Variants in GCA observed in about 807,000 individuals in gnomAD.
GCA encodes the protein grancalcin, also known as grancalcin, EF-hand calcium-binding protein.
Under a neutral mutation model 32.6 loss-of-function variants are expected in GCA, and 30 were observed. The ratio of observed to expected loss-of-function variants is 0.92; its 90% CI spans 0.69 to 1.25. The LOEUF (loss-of-function observed/expected upper bound fraction) is 1.25, where lower values mean the gene tolerates loss of function less well. Among genes scored for constraint, GCA ranks in the 50% most tolerant of loss-of-function variants. GCA has a pLI of 0.00. For missense variants in GCA, 291 were observed against 266.8 expected (o/e 1.09, Z -0.63); for synonymous variants, 102 against 84.6 (o/e 1.21, Z -1.13).
At chr2:162,352,612 C>A (rs1685059638) in intron 3 of GCA, among the ~76,000 whole-genome samples, 1 of 152,106 alleles carries the variant, frequency 6.6e-6, no homozygotes, top group Non-Finnish European at 1.5e-5. Context: ...TCATAGAGGA[C>A]ACTTCTTTTG....
intron 4 of GCA, among the ~76,000 whole-genome samples, chr2:162,368,933 G>A (rs1217635620): frequency 6.6e-6 from 1 of 152,078 alleles, no homozygotes; most frequent in African/African-American, 2.4e-5. Context: ...GTCTGTTTCA[G>A]CTCTTTGCCC....
At chr2:162,341,064 C>A (rs1410748599), upstream of GCA, among the ~76,000 whole-genome samples, 56 of 151,898 alleles carry the variant, frequency 3.7e-4, no homozygotes, top group Non-Finnish European at 1.3e-4. Context: ...GTTCTCCCTG[C>A]TAGAATGTAA....
intron 4 of GCA, 40 bp downstream of exon 4, chr2:162,356,521 T>A: frequency 8.0e-7 from 1 of 1,249,796 alleles, no homozygotes; most frequent in Non-Finnish European, 1.2e-6. Flanking sequence ...GAATAAAGAG[T>A]AATTGCTTTC....
chr2:162,373,747 G>T, downstream of GCA: 1 of 870,684 alleles, frequency 1.1e-6, no homozygotes, highest in African/African-American at 1.8e-5. Context: ...GCACTACCAA[G>T]AAACAGAATT....
chr2:162,356,348 T>C, intron 3 of GCA, 90 bp from the exon 4 acceptor site: 1 of 776,596 alleles, frequency 1.3e-6, no homozygotes, highest in Non-Finnish European at 2.3e-6. Flanking sequence ...GGCAGTTTTT[T>C]AATGTTTTAT....
chr2:162,371,497 A>C (rs1206513801), exon 5 of GCA: 1 of 1,242,804 alleles, frequency 8.0e-7, no homozygotes, highest in Non-Finnish European at 1.0e-6. Context: ...TTCATAACGA[A>C]GTACTGGTTT....
intron 1 of GCA, 102 bp downstream of exon 1, chr2:162,344,377 G>C: frequency 8.9e-7 from 1 of 1,123,422 alleles, no homozygotes; most frequent in Non-Finnish European, 1.3e-6. Flanking sequence ...TGCTCCCTGC[G>C]TCCGCGCCTG....
intron 2 of GCA, among the ~76,000 whole-genome samples, chr2:162,348,319 A>AT (rs1273851517): frequency 1.3e-5 from 2 of 152,102 alleles, no homozygotes; most frequent in Admixed American, 1.3e-4. Context: ...CCTCACTCCC[A>AT]TTTTTTAAAA....
chr2:162,371,876 C>A, downstream of GCA: 1 of 1,613,304 alleles, frequency 6.2e-7, no homozygotes, highest in Non-Finnish European at 8.5e-7. Context: ...TGAAGACCCA[C>A]GATTCCTACA....
intron 3 of GCA, among the ~76,000 whole-genome samples, chr2:162,355,676 GAA>G (rs1685227851): frequency 1.3e-5 from 2 of 151,678 alleles, no homozygotes; most frequent in South Asian, 4.2e-4. Flanking sequence ...CTATAAATAT[GAA>G]AGTGTTAATA....
At position 162,362,698 on chromosome 2, in the gene GCA, A is replaced by G; in HGVS notation, c.*2455A>G. On this transcript the variant is annotated 3_prime_UTR_variant, in exon 8 of 8. Transcript: ENST00000437150. ...TATATTATGAGATGCTTCAGTTCAAATAACAGTGCAGTAATTCACCTATAT... is the reference window on the plus strand; with the variant it reads ...TATATTATGAGATGCTTCAGTTCAAGTAACAGTGCAGTAATTCACCTATAT... The G allele has an allele frequency of 2.6e-6, 1 of 390,274 alleles. No individual in the cohort carries two copies. The highest frequency in any genetic ancestry group is 2.2e-5 in the African/African-American group (1 of 45,994). The allele number at this position is 390,274 out of a possible 1,614,324, so 24.2% of individuals were successfully genotyped here.
intron 2 of GCA, among the ~76,000 whole-genome samples, chr2:162,348,605 G>T (rs531698476): frequency 8.1e-4 from 123 of 152,098 alleles, no homozygotes; most frequent in Non-Finnish European, 1.2e-3. Flanking sequence ...TTATTTAAAG[G>T]ACTGACTTTA....
chr2:162,367,747 G>T (rs925778704), downstream of GCA, among the ~76,000 whole-genome samples: 1 of 151,948 alleles, frequency 6.6e-6, no homozygotes, highest in Non-Finnish European at 1.5e-5. Flanking sequence ...TTGTTCTCCT[G>T]ATTGTTTTAA....
downstream of GCA, chr2:162,372,159 C>T (rs1685973497): frequency 2.3e-6 from 3 of 1,308,480 alleles, no homozygotes; most frequent in Admixed American, 4.3e-5. Context: ...TTGAAAATTA[C>T]ACTAATAAAA....
At position 162,360,206 on chromosome 2, in the gene GCA, T is replaced by C. The variant is rs1474289329; in HGVS notation, c.628-11T>C. On this transcript the variant is annotated splice_polypyrimidine_tract_variant and intron_variant, in intron 7 of 7. Transcript: ENST00000437150. ...TATTCTTAATAGATAATAATTTCAC[T>C]TATGTATTAGTTTTTGCAGGGCACT... The C allele has an allele frequency of 1.4e-6, 2 of 1,452,080 alleles. No homozygotes were observed. The highest frequency in any genetic ancestry group is 2.3e-5 in the East Asian group (1 of 43,084). The allele number at this position is 1,452,080 out of a possible 1,614,324, so 89.9% of individuals were successfully genotyped here.
In GCA at chr2:162,360,272, A is replaced by G. The variant is rs559531022; in HGVS notation, c.*29A>G. On this transcript the variant is annotated 3_prime_UTR_variant, in exon 8 of 8. Coordinates refer to ENST00000437150, the MANE Select transcript of GCA (RefSeq NM_012198.5). ...CTTAGAATTTTAAACCTGAAGAGAC[A>G]CTGTGAATTCTTTTGTTTGGAAGAA... 2 of 1,580,458 alleles carry G rather than the reference A, an allele frequency of 1.3e-6. No individual in the cohort carries two copies. Among genetic ancestry groups the G allele is most frequent in the African/African-American group, 2.7e-5 (2 of 73,202 alleles).
At chr2:162,372,108 GAACAA>G (rs746537313), downstream of GCA, 9 of 1,592,624 alleles carry the variant, frequency 5.7e-6, no homozygotes, top group Admixed American at 1.4e-4. Context: ...GATGGAAAAA[GAACAA>G]AACAAGTTTT....
rs1685636992 is a variant in GCA, at chr2:162,362,914, G to A, written c.*2671G>A. ...CATCCAGAAAAAAGTAACAAAAAAT[G>A]TAGTCAAGTTATGTTTATTTCCAAA... On this transcript the variant is annotated 3_prime_UTR_variant, in exon 8 of 8. Coordinates refer to ENST00000437150, the MANE Select transcript of GCA (RefSeq NM_012198.5). 6.6e-6 allele frequency among the ~76,000 whole-genome samples: 1 copy of A among 151,240 alleles called. No individual in the cohort carries two copies. The highest frequency in any genetic ancestry group is 1.5e-5 in the Non-Finnish European group (1 of 67,454).
downstream of GCA, among the ~76,000 whole-genome samples, chr2:162,367,617 C>T (rs186932090): frequency 2.4e-3 from 362 of 152,032 alleles, 3 homozygotes; most frequent in African/African-American, 8.4e-3. Flanking sequence ...GTGCAAAATA[C>T]AATTAAGAGA....
Sources: allele counts gnomAD v4.1 joint callset (sites outside exome capture counted in the v4.1 genomes callset), GRCh38; gene constraint gnomAD v4.1.1; transcripts MANE v1.5; gene names NCBI Gene and HGNC (gene_info 2026-07-23, HGNC 2026-07-21).